Variants in CSMD1 observed in about 807,000 individuals in gnomAD.
CSMD1 encodes CUB and sushi domain-containing protein 1.
In CSMD1, 213 loss-of-function variants were observed where a neutral mutation model predicts 417.5. The ratio of observed to expected loss-of-function variants is 0.51; its 90% CI spans 0.46 to 0.57. The LOEUF (loss-of-function observed/expected upper bound fraction) is 0.57. CSMD1 is among the 20% of genes least tolerant of loss of function. The pLI is 0.00. For missense variants in CSMD1, 6,923 were observed against 4,529.7 expected (o/e 1.53, Z -15.17); for synonymous variants, 2,862 against 1,736.8 (o/e 1.65, Z -16.11).
At chr8:4,905,767 C>A (rs1275729283) in intron 1 of CSMD1, among the ~76,000 whole-genome samples, 2 of 147,604 alleles carry the variant, frequency 1.4e-5, no homozygotes, top group Admixed American at 7.0e-5. Context: ...TTGCAGTGAG[C>A]CGAGATTGTG....
In CSMD1 at chr8:4,890,445, G is replaced by C. The variant is rs532177066; in HGVS notation, c.85+103887C>G. On this transcript the variant is annotated intron_variant, in intron 1 of 69. Transcript: ENST00000635120. ...GACTCCGACACCCTCCCGCAGGACA[G>C]GTGAGAACGTGACTCTGACACCCTC... is the stretch of plus-strand genomic sequence containing the variant. Among the ~76,000 whole-genome samples, 290 of 151,528 alleles carry C rather than the reference G, an allele frequency of 1.9e-3. 4 individuals carry two copies. Among genetic ancestry groups the C allele is most frequent in the African/African-American group, 6.5e-3 (268 of 41,192 alleles).
chr8:4,018,329 T>C (rs889786243), intron 4 of CSMD1, among the ~76,000 whole-genome samples: 4 of 152,232 alleles, frequency 2.6e-5, no homozygotes, highest in Non-Finnish European at 4.4e-5. Context: ...CTGGCTTAAA[T>C]GTGTATTCAT....
intron 5 of CSMD1, among the ~76,000 whole-genome samples, chr8:3,996,900 C>G (rs1815263683): frequency 6.6e-6 from 1 of 152,190 alleles, no homozygotes; most frequent in African/African-American, 2.4e-5. Flanking sequence ...AAAACAGGTG[C>G]TCATATTTAC....
At chr8:3,871,260 C>A (rs893016719) in intron 5 of CSMD1, among the ~76,000 whole-genome samples, 1 of 151,890 alleles carries the variant, frequency 6.6e-6, no homozygotes, top group Non-Finnish European at 1.5e-5. Flanking sequence ...CTTAATAATG[C>A]CAAATTACTC....
At chr8:3,868,468 A>T (rs566245669) in intron 5 of CSMD1, among the ~76,000 whole-genome samples, 1 of 152,216 alleles carries the variant, frequency 6.6e-6, no homozygotes, top group East Asian at 1.9e-4. Flanking sequence ...ATCAGCCAAA[A>T]GGAAGGGGCT....
At position 4,881,421 on chromosome 8, in the gene CSMD1, A is replaced by G. The variant is rs886459064; in HGVS notation, c.85+112911T>C. ...ATATACCTAGTATACATATCTATCT[A>G]TCTATCTATCTATCTATCTATCTAT... On this transcript the variant is annotated intron_variant, in intron 1 of 69. Transcript: ENST00000635120. 3.4e-4 allele frequency among the ~76,000 whole-genome samples: 15 copies of G among 44,202 alleles called. 1 individual carries two copies. The highest frequency in any genetic ancestry group is 0.013 in the Middle Eastern group (1 of 76). The allele number at this position is 44,202 out of a possible 152,430, so 29.0% of individuals were successfully genotyped here.
At chr8:4,352,490 G>C (rs1028182470) in intron 3 of CSMD1, among the ~76,000 whole-genome samples, 12 of 152,158 alleles carry the variant, frequency 7.9e-5, no homozygotes, top group African/African-American at 2.9e-4. Flanking sequence ...CATATTTTCA[G>C]TGAATCAAGT....
intron 26 of CSMD1, among the ~76,000 whole-genome samples, chr8:3,277,281 G>C (rs759024017): frequency 2.6e-5 from 4 of 152,146 alleles, no homozygotes; most frequent in Non-Finnish European, 4.4e-5. Flanking sequence ...AGATAGGGGA[G>C]AGTTCTAAGC....
At chr8:4,881,149 T>C (rs1393141942) in intron 1 of CSMD1, among the ~76,000 whole-genome samples, 2 of 152,082 alleles carry the variant, frequency 1.3e-5, no homozygotes, top group African/African-American at 4.8e-5. Flanking sequence ...TTTAATCATA[T>C]TTCACTTTGA....
rs189702896 is a variant in CSMD1 at position 4,666,742 on chromosome 8, C to T, written c.86-29184G>A. 2.4e-3 allele frequency among the ~76,000 whole-genome samples: 367 copies of T among 152,188 alleles called. 1 individual carries two copies. The highest frequency in any genetic ancestry group is 8.5e-3 in the African/African-American group (352 of 41,526). On this transcript the variant is annotated intron_variant, in intron 1 of 69. Transcript: ENST00000635120. The stretch of plus-strand genomic sequence containing the variant: ...TACTGAGATTTGAGAGTTCTTCATA[C>T]AGTCAAGTCCTTCATCAGATATGTA...
At chr8:2,987,196 C>G (rs1294866135) in intron 54 of CSMD1, among the ~76,000 whole-genome samples, 1 of 151,862 alleles carries the variant, frequency 6.6e-6, no homozygotes. Context: ...AGAAGAAAGG[C>G]AAGTTAACTC....
chr8:4,220,981 G>A (rs950185571), intron 3 of CSMD1, among the ~76,000 whole-genome samples: 1 of 152,150 alleles, frequency 6.6e-6, no homozygotes, highest in Admixed American at 6.5e-5. Flanking sequence ...AGGAGCCCTT[G>A]GGGTGCTCTC....
intron 3 of CSMD1, among the ~76,000 whole-genome samples, chr8:4,188,543 G>C (rs1259901980): frequency 1.3e-5 from 2 of 152,084 alleles, no homozygotes; most frequent in Non-Finnish European, 2.9e-5. Context: ...CTGTCTTTAG[G>C]AATTCAGGCA....
intron 5 of CSMD1, among the ~76,000 whole-genome samples, chr8:3,777,536 G>C (rs936360088): frequency 6.6e-6 from 1 of 152,188 alleles, no homozygotes; most frequent in South Asian, 2.1e-4. Flanking sequence ...ACAGGACGGA[G>C]GGCTTTCTCC....
intron 5 of CSMD1, among the ~76,000 whole-genome samples, chr8:3,957,829 T>G (rs1812065941): frequency 6.6e-6 from 1 of 151,842 alleles, no homozygotes; most frequent in South Asian, 2.1e-4. Flanking sequence ...AATGAAGGGA[T>G]AATCACAAAT....
At chr8:4,095,593 G>A (rs576979305) in intron 3 of CSMD1, among the ~76,000 whole-genome samples, 1 of 152,260 alleles carries the variant, frequency 6.6e-6, no homozygotes, top group East Asian at 1.9e-4. Flanking sequence ...AGAAAACCAA[G>A]AAACAAAGTA....
chr8:4,145,834 G>A (rs373877377), intron 3 of CSMD1, among the ~76,000 whole-genome samples: 1 of 151,160 alleles, frequency 6.6e-6, no homozygotes, highest in South Asian at 2.1e-4. Context: ...TGGCTTCCAG[G>A]AAGCAGAGCC....
chr8:4,207,867 T>A (rs906360144), intron 3 of CSMD1, among the ~76,000 whole-genome samples: 7 of 152,072 alleles, frequency 4.6e-5, no homozygotes, highest in African/African-American at 1.7e-4. Context: ...TGGTTCCATA[T>A]AGGTGGAGAA....
rs147542713 is a variant in CSMD1, at chr8:4,300,128, C to G, written c.415+119825G>C. On this transcript the variant is annotated intron_variant, in intron 3 of 69. Transcript: ENST00000635120. ...CTAATTAGGTAACATCAGCTGAGTG[C>G]TTTTGACTGCATAGTTATCTTTCAT... Among the ~76,000 whole-genome samples, 773 of 152,270 alleles carry G rather than the reference C, an allele frequency of 5.1e-3. 4 individuals carry two copies. The highest frequency in any genetic ancestry group is 0.018 in the African/African-American group (748 of 41,554).
Sources: allele counts gnomAD v4.1 joint callset (sites outside exome capture counted in the v4.1 genomes callset), GRCh38; gene constraint gnomAD v4.1.1; transcripts MANE v1.5; gene names NCBI Gene and HGNC (gene_info 2026-07-23, HGNC 2026-07-21).